RBM45: variants seen among roughly 807,000 people sequenced by gnomAD.
RBM45 encodes the protein RNA binding motif protein 45, also known as RNA-binding protein 45.
Under a neutral mutation model 58.5 loss-of-function variants are expected in RBM45, and 39 were observed. That is an observed-to-expected ratio of 0.67 (90% CI 0.52 to 0.87). RBM45 has a LOEUF of 0.87. Among genes scored for constraint, RBM45 ranks in the 40% least tolerant of loss-of-function variants. The pLI is 0.00. For synonymous variants in RBM45, 193 were observed against 203.0 expected, an observed-to-expected ratio of 0.95 and a Z score of 0.42; for missense variants, 481 against 581.6, an observed-to-expected ratio of 0.83 and a Z score of 1.78.
At chr2:178,132,286 A>T (rs2088011953), downstream of RBM45, among the ~76,000 whole-genome samples, 1 of 152,220 alleles carries the variant, frequency 6.6e-6, no homozygotes, top group Non-Finnish European at 1.5e-5. Context: ...TTCAAAGTTA[A>T]ATACATTTAG....
intron 3 of RBM45, among the ~76,000 whole-genome samples, chr2:178,134,757 T>TGG (rs1462073836): frequency 3.3e-5 from 5 of 152,144 alleles, no homozygotes; most frequent in African/African-American, 1.2e-4. Context: ...TGTGGGAGGC[T>TGG]GAGGTGGGCG....
chr2:178,123,882 G>A lies in RBM45; in HGVS notation c.1038G>A (p.Val346=). ...QMVAAQLASM[V]WNNPSQQQFM... ...TAGCTGCACAGCTTGCATCAATGGT[G>A]TGGAATAACCCAAGTCAGCAACAAT... The change falls in exon 7 of 10, where the codon GTG becomes GTA. Residue 346 remains valine, a synonymous_variant. Transcript: ENST00000286070. The A allele has an allele frequency of 3.7e-6, 6 of 1,614,092 alleles. No individual in the cohort carries two copies. The highest frequency in any genetic ancestry group is 5.1e-6 in the Non-Finnish European group (6 of 1,179,968).
chr2:178,121,343 T>C lies in RBM45; in HGVS notation c.837T>C (p.Asp279=), dbSNP rs1183903320. Residue 279 remains aspartate (D), a synonymous_variant, in exon 5 of 10, where the codon GAT becomes GAC. Coordinates refer to ENST00000286070, the MANE Select transcript of RBM45 (RefSeq NM_152945.4). ...TGGAATATTGTGAAGTTCAACGAGA[T>C]CCTTATTCAAATTATGGTAAAATAA... ...PGLEYCEVQR[D]PYSNYGHGVV... 3.8e-6 allele frequency: 6 copies of C among 1,558,484 alleles called. No individual in the cohort carries two copies. The highest frequency in any genetic ancestry group is 1.4e-5 in the African/African-American group (1 of 71,656).
At chr2:178,126,322 T>C in intron 9 of RBM45, 138 bp downstream of exon 9, 1 of 453,426 alleles carries the variant, frequency 2.2e-6, no homozygotes, top group Non-Finnish European at 3.8e-6. Flanking sequence ...ATTTAAACTT[T>C]AAAAATTGTT....
At chr2:178,124,009 T>G (rs1164188127) in intron 7 of RBM45, 97 bp downstream of exon 7, 1 of 1,496,904 alleles carries the variant, frequency 6.7e-7, no homozygotes, top group African/African-American at 1.4e-5. Context: ...TGTATGAAAA[T>G]TTTCAGAGCT....
chr2:178,124,144 T>G lies in RBM45; in HGVS notation c.1086T>G (p.Ser362=). 1.3e-6 allele frequency: 2 copies of G among 1,590,954 alleles called. No homozygotes were observed. The highest frequency in any genetic ancestry group is 8.5e-7 in the Non-Finnish European group (1 of 1,173,886). The change falls in exon 8 of 10, where the codon TCT becomes TCG. Residue 362 remains serine, a synonymous_variant. Coordinates refer to ENST00000286070, the MANE Select transcript of RBM45 (RefSeq NM_152945.4). ...QQQFMQFGGS[S]GSQLPQIQTD... ...GTTAACAGCAATTTGGAGGAAGCTC[T>G]GGATCACAGTTGCCTCAAATCCAGA... is the stretch of plus-strand genomic sequence containing the variant.
At chr2:178,121,699 A>G (rs915378149) in intron 5 of RBM45, among the ~76,000 whole-genome samples, 3 of 152,026 alleles carry the variant, frequency 2.0e-5, no homozygotes, top group Non-Finnish European at 4.4e-5. Flanking sequence ...CTCTGTTTCT[A>G]TGTACTCTTT....
At chr2:178,130,056 G>A (rs2087990272), downstream of RBM45, among the ~76,000 whole-genome samples, 2 of 152,082 alleles carry the variant, frequency 1.3e-5, no homozygotes, top group Non-Finnish European at 2.9e-5. Flanking sequence ...TAAGCCAACA[G>A]TGATAAAAAA....
chr2:178,126,686 T>G (rs2087933878), intron 9 of RBM45, among the ~76,000 whole-genome samples: 1 of 152,180 alleles, frequency 6.6e-6, no homozygotes, highest in Non-Finnish European at 1.5e-5. Flanking sequence ...TAAATGTTGG[T>G]GTTTTCTGGA....
At chr2:178,135,149 A>G (rs1401839567) in intron 3 of RBM45, among the ~76,000 whole-genome samples, 3 of 152,258 alleles carry the variant, frequency 2.0e-5, no homozygotes, top group Non-Finnish European at 2.9e-5. Context: ...GTAACTTAAT[A>G]CAAGTGCCAG....
chr2:178,118,397 T>G (rs1333115873), intron 3 of RBM45, among the ~76,000 whole-genome samples: 3 of 152,160 alleles, frequency 2.0e-5, no homozygotes, highest in Non-Finnish European at 4.4e-5. Flanking sequence ...AGCAACTACA[T>G]TAACTTAGTA....
chr2:178,124,174 T>C lies in RBM45; in HGVS notation c.1116T>C (p.Asp372=). The change falls in exon 8 of 10, where the codon GAT becomes GAC. Residue 372 remains aspartate, a synonymous_variant. Coordinates refer to ENST00000286070, the MANE Select transcript of RBM45 (RefSeq NM_152945.4). The part of the protein sequence containing the change: ...SGSQLPQIQT[D]VVLPSCKKKA... ...CACAGTTGCCTCAAATCCAGACAGA[T>C]GTTGTACTTCCATCATGCAAAAAAA... 5.0e-6 allele frequency: 8 copies of C among 1,608,974 alleles called. No individual in the cohort carries two copies. The highest frequency in any genetic ancestry group is 6.8e-6 in the Non-Finnish European group (8 of 1,178,730).
downstream of RBM45, among the ~76,000 whole-genome samples, chr2:178,130,955 A>G (rs750767955): frequency 2.0e-5 from 3 of 152,216 alleles, no homozygotes; most frequent in Non-Finnish European, 4.4e-5. Context: ...TTTTAAAGAG[A>G]AAGCAAAGCT....
Position 178,120,899 on chromosome 2 carries a change from G to A in RBM45, c.674-281G>A, listed in dbSNP as rs112778222. The A allele has an allele frequency of 8.6e-3, 2,196 of 256,122 alleles. 11 individuals carry two copies. The highest frequency in any genetic ancestry group is 0.012 in the Non-Finnish European group (1,616 of 138,036). 15.9% of individuals were successfully genotyped at this position (256,122 alleles called of 1,614,324 possible). On this transcript the variant is annotated intron_variant, in intron 4 of 9. Coordinates refer to ENST00000286070, the MANE Select transcript of RBM45 (RefSeq NM_152945.4). ...AATGTTATTTGACGTAAACATTCAGGTAAAATACTTACCATATTTTTCAGT... is the reference window on the plus strand; with the variant it reads ...AATGTTATTTGACGTAAACATTCAGATAAAATACTTACCATATTTTTCAGT...
chr2:178,120,640 A>G (rs1382625403), intron 4 of RBM45, among the ~76,000 whole-genome samples: 1 of 152,112 alleles, frequency 6.6e-6, no homozygotes, highest in Non-Finnish European at 1.5e-5. Context: ...TAAGTTACGC[A>G]TTCCTCATAT....
intron 1 of RBM45, among the ~76,000 whole-genome samples, chr2:178,115,563 G>A (rs1367973663): frequency 6.6e-6 from 1 of 152,110 alleles, no homozygotes; most frequent in Admixed American, 6.5e-5. Context: ...ACTATAAAGG[G>A]ATATGTCTCT....
chr2:178,131,961 TTGAGTA>T (rs2088009552), downstream of RBM45, among the ~76,000 whole-genome samples: 1 of 152,198 alleles, frequency 6.6e-6, no homozygotes, highest in Non-Finnish European at 1.5e-5. Context: ...CAGATGCACT[TTGAGTA>T]TAAGAACATA....
chr2:178,120,361 A>C lies in RBM45; in HGVS notation c.625A>C (p.Arg209=). 1 of 1,613,288 alleles carries C rather than the reference A, an allele frequency of 6.2e-7. No individual in the cohort carries two copies. Among genetic ancestry groups the C allele is most frequent in the Non-Finnish European group, 8.5e-7 (1 of 1,179,548 alleles). Residue 209 remains arginine (R), a synonymous_variant, in exon 4 of 10, where the codon AGG becomes CGG. Transcript: ENST00000286070. ...SSEQDYYSNM[R]QEALGHEPRV... ...TGAACAAGATTATTATAGTAATATG[A>C]GGCAAGAAGCTTTGGGACATGAACC... is the stretch of plus-strand genomic sequence containing the variant.
downstream of RBM45, among the ~76,000 whole-genome samples, chr2:178,132,757 A>G (rs890515626): frequency 6.6e-6 from 1 of 151,944 alleles, no homozygotes; most frequent in African/African-American, 2.4e-5. Context: ...CACCCAGCTG[A>G]TTTTGTATTT....
Sources: allele counts gnomAD v4.1 joint callset (sites outside exome capture counted in the v4.1 genomes callset), GRCh38; gene constraint gnomAD v4.1.1; transcripts MANE v1.5; gene names NCBI Gene and HGNC (gene_info 2026-07-23, HGNC 2026-07-21).